The following PCYOX1 variants were observed in gnomAD, a reference collection of about 807,000 sequenced individuals.
PCYOX1 encodes the protein prenylcysteine lyase.
In PCYOX1, 46 loss-of-function variants were observed where a neutral mutation model predicts 46.4. The ratio of observed to expected loss-of-function variants is 0.99; its 90% CI spans 0.78 to 1.27. The LOEUF (loss-of-function observed/expected upper bound fraction) is 1.27. PCYOX1 is among the 50% of genes most tolerant of loss of function. PCYOX1 has a pLI of 0.00. For missense variants in PCYOX1, 658 were observed against 628.3 expected (o/e 1.05, Z -0.51); for synonymous variants, 220 against 231.8 (o/e 0.95, Z 0.46).
At chr2:70,264,795 CT>C (rs1696489415) in intron 3 of PCYOX1, among the ~76,000 whole-genome samples, 1 of 151,820 alleles carries the variant, frequency 6.6e-6, no homozygotes, top group African/African-American at 2.4e-5. Context: ...GCAGATAGAT[CT>C]TGAGGTCAGG....
Position 70,261,108 on chromosome 2 carries a change from G to T in PCYOX1, c.320-104G>T, listed in dbSNP as rs889092619. ...TGTTCCAAAGATAGAGCTCCTTTAT[G>T]TGTCTCCTGAGAACTGAGGGAAGCC... On this transcript the variant is annotated intron_variant, in intron 2 of 5. Transcript: ENST00000433351. 2.0e-5 allele frequency: 13 copies of T among 664,284 alleles called. No individual in the cohort carries two copies. The African/African-American group carries it at 2.4e-4, about 12-fold the overall frequency. 41.1% of individuals were successfully genotyped at this position (664,284 alleles called of 1,614,324 possible). A position where few individuals can be genotyped will look rare whatever the true frequency, so the allele number is the denominator to read the frequency against.
chr2:70,269,995 CTCTT>C (rs760298629), intron 3 of PCYOX1, among the ~76,000 whole-genome samples: 9 of 150,834 alleles, frequency 6.0e-5, no homozygotes, highest in Non-Finnish European at 1.3e-4. Context: ...CTCTCTTTTT[CTCTT>C]TCTTTCTTTC....
rs1696760371 is a variant in PCYOX1, at chr2:70,280,671, T to C, written c.*3279T>C. 6.6e-6 allele frequency: 1 copy of C among 152,180 alleles called. No individual in the cohort carries two copies. Among genetic ancestry groups the C allele is most frequent in the East Asian group, 1.9e-4 (1 of 5,196 alleles). The allele number at this position is 152,180 out of a possible 1,614,324, so 9.4% of individuals were successfully genotyped here. ...GGAGTTATAAAGAGTTGCTGAAAAA[T>C]GGAGTAACAGTGTATGGGACTTCAC... On this transcript the variant is annotated 3_prime_UTR_variant, in exon 6 of 6. Transcript: ENST00000433351.
At chr2:70,267,365 C>T (rs1449187182) in intron 3 of PCYOX1, among the ~76,000 whole-genome samples, 1 of 151,674 alleles carries the variant, frequency 6.6e-6, no homozygotes, top group Non-Finnish European at 1.5e-5. Flanking sequence ...GGCAAAGACA[C>T]TCCTCACTTC....
At position 70,275,628 on chromosome 2, in the gene PCYOX1, TA is replaced by T; in HGVS notation, c.823del (p.Met275CysfsTer43). On this transcript the variant is annotated frameshift_variant, in exon 5 of 6. Coordinates refer to ENST00000433351, the MANE Select transcript of PCYOX1 (RefSeq NM_016297.4). LOFTEE classifies it high-confidence loss of function. ...AAAAGCAATCTTATATCTGGCTCAGTAATGTACATCGAGGAGAAAACAAAGA... is the reference window on the plus strand; with the variant it reads ...AAAAGCAATCTTATATCTGGCTCAGTATGTACATCGAGGAGAAAACAAAGA... ...ASKSNLISGS[V>X]MYIEEKTKTK... 6.2e-7 allele frequency: 1 copy of T among 1,614,170 alleles called. No homozygotes were observed. The highest frequency in any genetic ancestry group is 8.5e-7 in the Non-Finnish European group (1 of 1,180,012).
At position 70,259,422 on chromosome 2, in the gene PCYOX1, A is replaced by C; in HGVS notation, c.175A>C (p.Lys59Gln). ...CTATTACCTGCGGCAGAAATTTGGGAAAGATGTGAAGATAGACCTGTTTGA... is the reference window on the plus strand; with the variant it reads ...CTATTACCTGCGGCAGAAATTTGGGCAAGATGTGAAGATAGACCTGTTTGA... ...AAYYLRQKFG[K>Q]DVKIDLFERE... Residue 59 changes from lysine (K) to glutamine (Q), a missense_variant, in exon 2 of 6, where the codon AAA becomes CAA. Lys to Gln is a moderately conservative substitution (Grantham distance 53). Coordinates refer to ENST00000433351, the MANE Select transcript of PCYOX1 (RefSeq NM_016297.4). The C allele has an allele frequency of 1.9e-6, 3 of 1,614,120 alleles. No individual in the cohort carries two copies. Among genetic ancestry groups the C allele is most frequent in the Non-Finnish European group, 2.5e-6 (3 of 1,180,018 alleles).
chr2:70,261,282 G>T lies in PCYOX1; in HGVS notation c.390G>T (p.Glu130Asp). 6.2e-7 allele frequency: 1 copy of T among 1,610,014 alleles called. No individual in the cohort carries two copies. The stretch of plus-strand genomic sequence containing the variant: ...ATGGAGAGACTCTGGTATTTGAGGA[G>T]AGCAACTGGTTCATAATTAACGTGA... ...IYNGETLVFE[E>D]SNWFIINVIK... Residue 130 changes from glutamate (E) to aspartate (D), a missense_variant, in exon 3 of 6, where the codon GAG (glutamate) becomes GAT (aspartate). Physicochemically the swap from Glu to Asp is conservative, Grantham distance 45. Coordinates refer to ENST00000433351, the MANE Select transcript of PCYOX1 (RefSeq NM_016297.4).
rs777339911 is a variant in PCYOX1, at chr2:70,277,326, C to G, written c.1452C>G (p.Arg484=). 59 of 1,613,902 alleles carry G rather than the reference C, an allele frequency of 3.7e-5. No individual in the cohort carries two copies. The Admixed American group carries it at 9.8e-4, about 27-fold the overall frequency. ...ACGCTGCACTCCTTGCCTATCACCG[C>G]TGGAACGGGCACACAGACATGATTG... is the stretch of plus-strand genomic sequence containing the variant. ...AHNAALLAYH[R]WNGHTDMIDQ... Residue 484 remains arginine (R), a synonymous_variant, in exon 6 of 6, where the codon CGC becomes CGG. Coordinates refer to ENST00000433351, the MANE Select transcript of PCYOX1 (RefSeq NM_016297.4).
intron 5 of PCYOX1, among the ~76,000 whole-genome samples, chr2:70,276,098 T>TAAAAAA (rs568163191): frequency 9.5e-6 from 1 of 105,450 alleles, no homozygotes; most frequent in Non-Finnish European, 1.8e-5. Context: ...AGACTCCATC[T>TAAAAAA]AAAAAAAAAA....
rs200708135 is a variant in PCYOX1 at position 70,261,226 on chromosome 2, C to T, written c.334C>T (p.Gln112Ter). The T allele has an allele frequency of 9.1e-5, 146 of 1,609,692 alleles. No individual in the cohort carries two copies. The highest frequency in any genetic ancestry group is 9.9e-5 in the Non-Finnish European group (117 of 1,176,154). The change falls in exon 3 of 6, where the codon CAG (glutamine) becomes TAG (stop). Residue 112 changes from glutamine to a stop codon, truncating the protein, a stop_gained. Transcript: ENST00000433351. LOFTEE classifies it high-confidence loss of function. The stretch of plus-strand genomic sequence containing the variant: ...TGTTTTTGCAGGTCTCTCTGCTGTT[C>T]AGGCCTCTGGTGGCCTACTGGGGAT... ...FVKDLGLSAVQASGGLLGIYN... is the reference protein window; with the variant it reads ...FVKDLGLSAV
Position 70,259,552 on chromosome 2 carries a change from T to G in PCYOX1, c.305T>G (p.Phe102Cys), listed in dbSNP as rs1182756742. 6.2e-7 allele frequency: 1 copy of G among 1,613,516 alleles called. No homozygotes were observed. Among genetic ancestry groups the G allele is most frequent in the Non-Finnish European group, 8.5e-7 (1 of 1,179,546 alleles). Residue 102 changes from phenylalanine (F) to cysteine (C), a missense_variant, in exon 2 of 6, where the codon TTT becomes TGT. By Grantham distance (205) the Phe-to-Cys change is radical. Coordinates refer to ENST00000433351, the MANE Select transcript of PCYOX1 (RefSeq NM_016297.4). ...IHPLNLHMKRFVKDLGLSAVQ... is the reference protein window; with the variant it reads ...IHPLNLHMKRCVKDLGLSAVQ... ...CCTTTAAATCTGCACATGAAACGTT[T>G]TGTCAAAGACCTGGGTATGTAATTT...
rs752558450 is a variant in PCYOX1 at position 70,258,172 on chromosome 2, G to A, written c.8G>A (p.Arg3His). The change falls in exon 1 of 6, where the codon CGC (arginine) becomes CAC (histidine). Residue 3 changes from arginine (R) to histidine (H), a missense_variant. Arg to His is a conservative substitution (Grantham distance 29). Coordinates refer to ENST00000433351, the MANE Select transcript of PCYOX1 (RefSeq NM_016297.4). Reference protein sequence around the residue: MGRVVAELVSSLL... With the variant: MGHVVAELVSSLL... The stretch of plus-strand genomic sequence containing the variant: ...GCAGAGCTTGTGGAGGCCATGGGGC[G>A]CGTCGTCGCGGAGCTCGTCTCCTCG... 6.3e-7 allele frequency: 1 copy of A among 1,595,108 alleles called. No individual in the cohort carries two copies. Among genetic ancestry groups the A allele is most frequent in the South Asian group, 1.1e-5 (1 of 90,518 alleles).
At chr2:70,259,821 CTT>C (rs545454921) in intron 2 of PCYOX1, among the ~76,000 whole-genome samples, 22 of 151,608 alleles carry the variant, frequency 1.5e-4, no homozygotes, top group African/African-American at 5.1e-4. Context: ...CTGCCATTGT[CTT>C]TTTTTTTCTT....
At chr2:70,269,929 T>G (rs1476930698) in intron 3 of PCYOX1, among the ~76,000 whole-genome samples, 2 of 152,246 alleles carry the variant, frequency 1.3e-5, no homozygotes, top group Non-Finnish European at 2.9e-5. Flanking sequence ...TCTAGCTTGC[T>G]AGTTTCACAT....
chr2:70,264,599 T>G (rs1696487224), intron 3 of PCYOX1, among the ~76,000 whole-genome samples: 1 of 151,778 alleles, frequency 6.6e-6, no homozygotes, highest in African/African-American at 2.4e-5. Context: ...AGTGCTGCGA[T>G]TACAGGCATG....
At chr2:70,275,733 T>A in intron 5 of PCYOX1, 67 bp downstream of exon 5, 2 of 1,358,684 alleles carry the variant, frequency 1.5e-6, no homozygotes, top group Non-Finnish European at 2.1e-6. Flanking sequence ...GAGAAACACT[T>A]CTCTTCTGTC....
rs781390669 is a variant in PCYOX1 at position 70,277,429 on chromosome 2, G to A, written c.*37G>A. ...CCTTTTTCCCCTCCTAGTTCCAAAT[G>A]ACTATCAGTGGCAAAAAAGAACAAA... On this transcript the variant is annotated 3_prime_UTR_variant, in exon 6 of 6. Transcript: ENST00000433351. 1.3e-6 allele frequency: 2 copies of A among 1,492,154 alleles called. No individual in the cohort carries two copies. The highest frequency in any genetic ancestry group is 1.8e-6 in the Non-Finnish European group (2 of 1,100,596). 92.4% of individuals were successfully genotyped at this position (1,492,154 alleles called of 1,614,324 possible).
chr2:70,275,061 T>C lies in PCYOX1; in HGVS notation c.597T>C (p.Leu199=), dbSNP rs1311044509. The C allele has an allele frequency of 1.2e-6, 2 of 1,613,946 alleles. No homozygotes were observed. Among genetic ancestry groups the C allele is most frequent in the Non-Finnish European group, 8.5e-7 (1 of 1,179,908 alleles). The change falls in exon 4 of 6, where the codon CTT becomes CTC. Residue 199 remains leucine (L), a synonymous_variant. Transcript: ENST00000433351. Reference sequence around the variant, plus strand: ...TCCTTGGAATGCTTAATCGAACACTTCTTGAAACCTTGCAAAAGGCCGGCT... The same window carrying C: ...TCCTTGGAATGCTTAATCGAACACTCCTTGAAACCTTGCAAAAGGCCGGCT... ...DDFLGMLNRT[L]LETLQKAGFS...
chr2:70,280,449 G>A lies in PCYOX1; in HGVS notation c.*3057G>A, dbSNP rs986508942. ...CTGCTCCAGTGGCTCTCTGAGTTGAGCATGCATCAGTTACCTTAAGGGCTT... is the reference window on the plus strand; with the variant it reads ...CTGCTCCAGTGGCTCTCTGAGTTGAACATGCATCAGTTACCTTAAGGGCTT... On this transcript the variant is annotated 3_prime_UTR_variant, in exon 6 of 6. Coordinates refer to ENST00000433351, the MANE Select transcript of PCYOX1 (RefSeq NM_016297.4). 2.0e-5 allele frequency: 3 copies of A among 152,136 alleles called. No individual in the cohort carries two copies. Among genetic ancestry groups the A allele is most frequent in the Non-Finnish European group, 4.4e-5 (3 of 68,024 alleles). 9.4% of individuals were successfully genotyped at this position (152,136 alleles called of 1,614,324 possible).
Sources: allele counts gnomAD v4.1 joint callset (sites outside exome capture counted in the v4.1 genomes callset), GRCh38; gene constraint gnomAD v4.1.1; transcripts MANE v1.5; gene names NCBI Gene and HGNC (gene_info 2026-07-23, HGNC 2026-07-21).